Variants in TNNI3K observed in about 807,000 individuals in gnomAD.
The protein encoded by TNNI3K is serine/threonine-protein kinase TNNI3K.
A neutral mutation model predicts 114.5 loss-of-function variants in TNNI3K; 140 were observed. The observed-to-expected ratio is 1.22, with a 90% CI of 1.07 to 1.41. TNNI3K has a LOEUF of 1.41. Among genes scored for constraint, TNNI3K ranks in the 40% most tolerant of loss-of-function variants. TNNI3K has a pLI of 0.00. For missense variants in TNNI3K, 1,125 were observed against 1,007.6 expected (o/e 1.12, Z -1.58); for synonymous variants, 347 against 347.5 (o/e 1.00, Z 0.02).
At chr1:74,348,736 A>G (rs1661161542) in intron 9 of TNNI3K, among the ~76,000 whole-genome samples, 2 of 152,074 alleles carry the variant, frequency 1.3e-5, no homozygotes, top group African/African-American at 4.8e-5. Flanking sequence ...TTGGATTCCT[A>G]GGTATTTTAT....
intron 17 of TNNI3K, among the ~76,000 whole-genome samples, chr1:74,400,749 A>T (rs1028712234): frequency 2.0e-5 from 3 of 152,154 alleles, no homozygotes; most frequent in Non-Finnish European, 4.4e-5. Context: ...CATCCTAAAC[A>T]TTACTGGTGA....
chr1:74,521,462 C>G (rs1646431226), intron 23 of TNNI3K, among the ~76,000 whole-genome samples: 1 of 130,414 alleles, frequency 7.7e-6, no homozygotes, highest in Admixed American at 7.7e-5. Flanking sequence ...TAAATCCTTA[C>G]CTTATCTCTC....
In TNNI3K at chr1:74,327,703, T is replaced by C. The variant is rs540356178; in HGVS notation, c.445-3747T>C. On this transcript the variant is annotated intron_variant, in intron 5 of 24. Coordinates refer to ENST00000326637, the MANE Select transcript of TNNI3K (RefSeq NM_015978.3). ...ATCATATATTTATATAAATATATAT[T>C]CTATACATTTAATAATATTAAACAC... Among the ~76,000 whole-genome samples, 318 of 146,734 alleles carry C rather than the reference T, an allele frequency of 2.2e-3. 2 individuals carry two copies. Among genetic ancestry groups the C allele is most frequent in the Non-Finnish European group, 2.0e-3 (132 of 66,872 alleles).
chr1:74,400,540 T>C (rs1216415349), intron 17 of TNNI3K, among the ~76,000 whole-genome samples: 1 of 152,212 alleles, frequency 6.6e-6, no homozygotes, highest in East Asian at 1.9e-4. Flanking sequence ...ATGCACTGCA[T>C]GTTGGCTCTA....
chr1:74,324,405 C>A (rs547662034), intron 5 of TNNI3K, among the ~76,000 whole-genome samples: 147 of 152,214 alleles, frequency 9.7e-4, no homozygotes, highest in Non-Finnish European at 1.7e-3. Flanking sequence ...TAGTCATGAT[C>A]CTTTTTACAA....
intron 10 of TNNI3K, among the ~76,000 whole-genome samples, chr1:74,353,564 A>C (rs1235149459): frequency 6.6e-6 from 1 of 151,746 alleles, no homozygotes; most frequent in Admixed American, 6.6e-5. Flanking sequence ...ATTGTGTTAA[A>C]TTATTTGCAG....
At position 74,332,956 on chromosome 1, in the gene TNNI3K, CAA is replaced by C. The variant is rs796977281; in HGVS notation, c.543+1428_543+1429del. On this transcript the variant is annotated intron_variant, in intron 6 of 24. Coordinates refer to ENST00000326637, the MANE Select transcript of TNNI3K (RefSeq NM_015978.3). ...AGAATACTCAAGGAACTGAAAATAACAAAAAAAAAAAAAAAAAAAAAGAGAGA... is the reference window on the plus strand; with the variant it reads ...AGAATACTCAAGGAACTGAAAATAACAAAAAAAAAAAAAAAAAAAGAGAGA... Among the ~76,000 whole-genome samples the C allele has an allele frequency of 3.1e-3, 289 of 92,720 alleles. 1 individual carries two copies. The East Asian group carries it at 0.064, about 20-fold the overall frequency. 60.8% of individuals were successfully genotyped at this position (92,720 alleles called of 152,430 possible). A position where few individuals can be genotyped will look rare whatever the true frequency, so the allele number is the denominator to read the frequency against.
chr1:74,305,785 T>C (rs773941587), intron 5 of TNNI3K, among the ~76,000 whole-genome samples: 1 of 152,212 alleles, frequency 6.6e-6, no homozygotes, highest in South Asian at 2.1e-4. Flanking sequence ...AAAATACATA[T>C]TATAGTTCAA....
chr1:74,497,244 G>A (rs913453164), intron 23 of TNNI3K, among the ~76,000 whole-genome samples: 5 of 152,128 alleles, frequency 3.3e-5, no homozygotes, highest in Admixed American at 1.3e-4. Context: ...CAAGGGGACC[G>A]TGTCCATTTG....
At chr1:74,425,925 A>G (rs1665616975) in intron 17 of TNNI3K, among the ~76,000 whole-genome samples, 1 of 152,098 alleles carries the variant, frequency 6.6e-6, no homozygotes, top group African/African-American at 2.4e-5. Flanking sequence ...TCTAGCTCAC[A>G]GGGATAGACT....
At chr1:74,330,666 C>G (rs1039633523) in intron 5 of TNNI3K, among the ~76,000 whole-genome samples, 3 of 152,126 alleles carry the variant, frequency 2.0e-5, no homozygotes, top group Non-Finnish European at 4.4e-5. Flanking sequence ...TTTTGTCAGT[C>G]TAATTTATAT....
chr1:74,355,754 T>C (rs942629752), intron 11 of TNNI3K, among the ~76,000 whole-genome samples: 11 of 151,990 alleles, frequency 7.2e-5, no homozygotes, highest in African/African-American at 2.7e-4. Context: ...GAAGGAAAAA[T>C]GTACAGGTCT....
intron 4 of TNNI3K, among the ~76,000 whole-genome samples, chr1:74,263,922 T>A (rs1212676477): frequency 1.3e-5 from 2 of 151,988 alleles, no homozygotes; most frequent in Non-Finnish European, 2.9e-5. Flanking sequence ...ATGTATTTAC[T>A]TCCCCCGCCC....
intron 4 of TNNI3K, among the ~76,000 whole-genome samples, chr1:74,263,418 C>A (rs1174561756): frequency 2.6e-5 from 4 of 151,854 alleles, no homozygotes; most frequent in African/African-American, 9.7e-5. Flanking sequence ...CTTAGAACAA[C>A]GCTTGATATA....
chr1:74,494,568 C>T (rs957594013), intron 23 of TNNI3K, among the ~76,000 whole-genome samples: 1 of 152,116 alleles, frequency 6.6e-6, no homozygotes, highest in Non-Finnish European at 1.5e-5. Flanking sequence ...TGTTCTTATT[C>T]TCTACTTGTG....
At chr1:74,385,620 A>G (rs1458466266) in intron 17 of TNNI3K, among the ~76,000 whole-genome samples, 1 of 152,194 alleles carries the variant, frequency 6.6e-6, no homozygotes, top group Non-Finnish European at 1.5e-5. Context: ...AATGGAAGAA[A>G]AAAAGGTTTA....
At chr1:74,345,239 G>A (rs1660944055) in intron 9 of TNNI3K, among the ~76,000 whole-genome samples, 1 of 151,992 alleles carries the variant, frequency 6.6e-6, no homozygotes, top group African/African-American at 2.4e-5. Context: ...TGAGATGGTA[G>A]TTTTTTTATT....
intron 5 of TNNI3K, among the ~76,000 whole-genome samples, chr1:74,313,161 T>C (rs1659094609): frequency 6.6e-6 from 1 of 152,212 alleles, no homozygotes; most frequent in Non-Finnish European, 1.5e-5. Context: ...TCTCCTAAGA[T>C]GCAAAATTCA....
intron 5 of TNNI3K, among the ~76,000 whole-genome samples, chr1:74,323,498 G>A (rs1438911034): frequency 6.6e-6 from 1 of 151,942 alleles, no homozygotes; most frequent in East Asian, 1.9e-4. Context: ...GAATCAAAAG[G>A]CAAGTGGTAA....
Sources: allele counts gnomAD v4.1 joint callset (sites outside exome capture counted in the v4.1 genomes callset), GRCh38; gene constraint gnomAD v4.1.1; transcripts MANE v1.5; gene names NCBI Gene and HGNC (gene_info 2026-07-23, HGNC 2026-07-21).